NTM: variants seen among roughly 807,000 people sequenced by gnomAD.
NTM encodes IgLON family member 2.
NTM carries 13 observed loss-of-function variants against 42.1 expected under a neutral mutation model. The ratio of observed to expected loss-of-function variants is 0.31; its 90% CI spans 0.20 to 0.49. NTM has a LOEUF of 0.49. Among genes scored for constraint, NTM ranks in the 20% least tolerant of loss-of-function variants. The pLI, the probability that NTM is intolerant of heterozygous loss-of-function variation, is 0.99. For synonymous variants in NTM, 187 were observed against 179.2 expected (o/e 1.04, Z -0.35); for missense variants, 373 against 452.8 (o/e 0.82, Z 1.60).
intron 2 of NTM, among the ~76,000 whole-genome samples, chr11:132,087,683 A>T (rs2059897407): frequency 6.6e-6 from 1 of 152,194 alleles, no homozygotes; most frequent in Non-Finnish European, 1.5e-5. Context: ...GCTTTTCAAG[A>T]AAGAAAAACC....
chr11:131,604,702 C>CT (rs1182025334), intron 1 of NTM, among the ~76,000 whole-genome samples: 1 of 36,524 alleles, frequency 2.7e-5, no homozygotes, highest in African/African-American at 1.3e-4. Context: ...AATTTAAGGT[C>CT]TTTTTTTCTT....
intron 4 of NTM, among the ~76,000 whole-genome samples, chr11:132,248,660 T>G (rs1344333871): frequency 3.3e-5 from 5 of 152,218 alleles, no homozygotes; most frequent in Non-Finnish European, 5.9e-5. Flanking sequence ...ATGGACGTCA[T>G]ATCAAGCTGG....
chr11:131,563,500 G>A (rs1304883210), intron 1 of NTM, among the ~76,000 whole-genome samples: 2 of 150,912 alleles, frequency 1.3e-5, no homozygotes, highest in Non-Finnish European at 2.9e-5. Context: ...CCCACCGGGT[G>A]ATGGGTGTTA....
At chr11:132,095,550 C>T (rs1374355307) in intron 2 of NTM, among the ~76,000 whole-genome samples, 1 of 152,184 alleles carries the variant, frequency 6.6e-6, no homozygotes, top group Non-Finnish European at 1.5e-5. Flanking sequence ...GAGGAGAACA[C>T]AGAAGACCAG....
chr11:131,478,245 T>G (rs1953169504), intron 1 of NTM, among the ~76,000 whole-genome samples: 1 of 152,166 alleles, frequency 6.6e-6, no homozygotes, highest in East Asian at 1.9e-4. Flanking sequence ...GAACTCAAAA[T>G]TTTGCATATC....
intron 4 of NTM, among the ~76,000 whole-genome samples, chr11:132,280,458 T>C (rs976761455): frequency 6.9e-6 from 1 of 145,800 alleles, no homozygotes; most frequent in African/African-American, 2.5e-5. Context: ...CTCACCACAC[T>C]GTCCTGATAC....
intron 2 of NTM, among the ~76,000 whole-genome samples, chr11:132,028,791 G>A (rs1009107876): frequency 6.6e-6 from 1 of 152,124 alleles, no homozygotes; most frequent in Non-Finnish European, 1.5e-5. Flanking sequence ...AGAACAGGAT[G>A]CATGTGTCAT....
rs945568553 is a variant in NTM, at chr11:132,002,804, A to G, written c.167+91156A>G. On this transcript the variant is annotated intron_variant, in intron 2 of 8. Coordinates refer to ENST00000683400, the MANE Select transcript of NTM (RefSeq NM_001352005.2). This position sits in a 1 kb window ranked among gnomAD's most constrained non-coding sequence, Gnocchi z 4.5. ...GGGAAAAGTGGAGGAAATCATAGTA[A>G]CGATTTATTAAAGTTGAAGATTGAG... Among the ~76,000 whole-genome samples the G allele has an allele frequency of 2.0e-5, 3 of 152,174 alleles. No individual in the cohort carries two copies. Among genetic ancestry groups the G allele is most frequent in the Non-Finnish European group, 2.9e-5 (2 of 68,038 alleles).
At chr11:131,520,391 G>GT (rs1454887400) in intron 1 of NTM, among the ~76,000 whole-genome samples, 3 of 152,142 alleles carry the variant, frequency 2.0e-5, no homozygotes, top group African/African-American at 7.2e-5. Context: ...CAAAAAGATT[G>GT]TAAGTGGTAG....
chr11:131,781,441 C>A (rs1442930898), intron 1 of NTM, among the ~76,000 whole-genome samples: 1 of 150,584 alleles, frequency 6.6e-6, no homozygotes, highest in Non-Finnish European at 1.5e-5. Flanking sequence ...CAGGAAACAC[C>A]AGGTGAAATA....
chr11:131,848,341 A>G (rs1277845198), intron 1 of NTM, among the ~76,000 whole-genome samples: 3 of 152,146 alleles, frequency 2.0e-5, no homozygotes, highest in African/African-American at 7.2e-5. Context: ...GATTTTTCTT[A>G]TTAGATAGTT....
At chr11:131,858,875 C>T (rs73027519) in intron 1 of NTM, among the ~76,000 whole-genome samples, 53 of 152,200 alleles carry the variant, frequency 3.5e-4, no homozygotes, top group Non-Finnish European at 5.9e-4. Context: ...AAATAGTCCC[C>T]ACCCTGCTTC....
At chr11:131,860,763 C>T (rs925986496) in intron 1 of NTM, among the ~76,000 whole-genome samples, 1 of 152,196 alleles carries the variant, frequency 6.6e-6, no homozygotes, top group East Asian at 1.9e-4. Context: ...GAATTCTTAG[C>T]TACATTTCCT....
intron 2 of NTM, among the ~76,000 whole-genome samples, chr11:132,066,884 C>G (rs2056583444): frequency 6.6e-6 from 1 of 152,182 alleles, no homozygotes; most frequent in Non-Finnish European, 1.5e-5. Context: ...CCAACCTCCT[C>G]CACCAAACAC....
chr11:132,131,533 G>A (rs1476613595), intron 2 of NTM, among the ~76,000 whole-genome samples: 1 of 152,188 alleles, frequency 6.6e-6, no homozygotes, highest in Non-Finnish European at 1.5e-5. Flanking sequence ...GGAGCCTTGT[G>A]AAGGAAGGGG....
At chr11:131,699,967 C>T (rs1031078565) in intron 1 of NTM, among the ~76,000 whole-genome samples, 2 of 140,584 alleles carry the variant, frequency 1.4e-5, no homozygotes, top group East Asian at 2.1e-4. Flanking sequence ...TGTGTGTATT[C>T]AGTATCTTGA....
intron 1 of NTM, among the ~76,000 whole-genome samples, chr11:131,429,391 C>T (rs112544228): frequency 0.014 from 2,074 of 152,216 alleles, 49 homozygotes; most frequent in African/African-American, 0.047. Flanking sequence ...TCAAGAGACC[C>T]ACTCTACCAG....
intron 4 of NTM, among the ~76,000 whole-genome samples, chr11:132,289,700 C>G (rs2094387823): frequency 6.6e-6 from 1 of 152,204 alleles, no homozygotes; most frequent in Admixed American, 6.5e-5. Flanking sequence ...CTCCTGTACT[C>G]AGTTCCGCTG....
chr11:131,653,322 A>C (rs2066753386), intron 1 of NTM, among the ~76,000 whole-genome samples: 1 of 152,136 alleles, frequency 6.6e-6, no homozygotes, highest in African/African-American at 2.4e-5. Context: ...CACTGGAAAG[A>C]CAACCTCACA....
Sources: gnomAD v4.1 joint callset for allele counts (sites outside exome capture counted in the v4.1 genomes callset) on GRCh38, gnomAD v4.1.1 for gene constraint, Gnocchi (gnomAD v3.1) non-coding constraint, MANE v1.5 for transcripts, NCBI Gene and HGNC (gene_info 2026-07-23, HGNC 2026-07-21) for gene names.